Variants in ITGA11 observed in about 807,000 individuals in gnomAD.
ITGA11 encodes the protein integrin alpha-11.
Under a neutral mutation model 141.9 loss-of-function variants are expected in ITGA11, and 97 were observed. That is an observed-to-expected ratio of 0.68 (90% CI 0.58 to 0.81). The LOEUF (loss-of-function observed/expected upper bound fraction) is 0.81, where lower values mean the gene tolerates loss of function less well. ITGA11 is among the 30% of genes least tolerant of loss of function. The pLI is 0.00. For synonymous variants in ITGA11, 658 were observed against 624.6 expected (o/e 1.05, Z -0.80); for missense variants, 1,387 against 1,559.2 (o/e 0.89, Z 1.86).
chr15:68,327,201 C>T lies in ITGA11; in HGVS notation c.2069-405G>A, dbSNP rs148777161. Among the ~76,000 whole-genome samples, 828 of 152,244 alleles carry T rather than the reference C, an allele frequency of 5.4e-3. 6 individuals are homozygous for T. The highest frequency in any genetic ancestry group is 0.019 in the African/African-American group (794 of 41,530). On this transcript the variant is annotated intron_variant, in intron 16 of 29. Transcript: ENST00000315757. ...CCCTCAGGGCTGGTCAGAGCCTTTG[C>T]TGGGTACTTCCTCTCACACCAAGGA...
chr15:68,323,990 A>G (rs1403091322), intron 18 of ITGA11, among the ~76,000 whole-genome samples: 1 of 152,192 alleles, frequency 6.6e-6, no homozygotes, highest in Non-Finnish European at 1.5e-5. Flanking sequence ...TTGTGGGGTG[A>G]GTGCCACGTA....
chr15:68,417,329 C>G (rs551010477), intron 1 of ITGA11, among the ~76,000 whole-genome samples: 2 of 152,338 alleles, frequency 1.3e-5, no homozygotes, highest in African/African-American at 4.8e-5. Context: ...GGAAGTCATT[C>G]CTTATGATTT....
rs963093275 is a variant in ITGA11, at chr15:68,320,336, A to C, written c.2465T>G (p.Leu822Arg). 9.3e-6 allele frequency: 15 copies of C among 1,612,818 alleles called. No homozygotes were observed. The highest frequency in any genetic ancestry group is 1.7e-5 in the Admixed American group (1 of 59,816). ...GATGAAGACTGTGGTGTCGAAGGACAGCGTGTATGCGGAGCAGTCCTGCGC... is the reference window on the plus strand; with the variant it reads ...GATGAAGACTGTGGTGTCGAAGGACCGCGTGTATGCGGAGCAGTCCTGCGC... ...KPAQDCSAYT[L>R]SFDTTVFIIE... Residue 822 changes from leucine (L) to arginine (R), a missense_variant, in exon 20 of 30, where the codon CTG (leucine) becomes CGG (arginine). Physicochemically the swap from Leu to Arg is moderately radical, Grantham distance 102. Transcript: ENST00000315757.
At chr15:68,337,376 C>T (rs1029576136) in intron 11 of ITGA11, among the ~76,000 whole-genome samples, 2 of 152,234 alleles carry the variant, frequency 1.3e-5, no homozygotes, top group Admixed American at 6.5e-5. Context: ...TTATACTGCA[C>T]CCCCAGTGGA....
chr15:68,332,192 G>A (rs1894194041), intron 13 of ITGA11, 130 bp from the exon 14 acceptor site: 1 of 1,244,224 alleles, frequency 8.0e-7, no homozygotes. Context: ...CTGGCTATAT[G>A]AACCCAGCCA....
At chr15:68,370,676 AAGAGCCCCGAAAGGCTTTCGATCCCG>A (rs1399770944) in intron 2 of ITGA11, among the ~76,000 whole-genome samples, 24 of 152,224 alleles carry the variant, frequency 1.6e-4, no homozygotes, top group Non-Finnish European at 3.1e-4. Flanking sequence ...CACAGCCCAC[AAGAGCCCCGAAAGGCTTTCGATCCCG>A]AGGGATGGAG....
chr15:68,327,321 C>T (rs2140297511), intron 16 of ITGA11, among the ~76,000 whole-genome samples: 1 of 152,344 alleles, frequency 6.6e-6, no homozygotes, highest in South Asian at 2.1e-4. Context: ...TAGGTTTTGC[C>T]AATTCCCGGA....
intron 8 of ITGA11, 48 bp from the exon 9 acceptor site, chr15:68,350,830 C>A (rs576844193): frequency 3.2e-6 from 5 of 1,573,518 alleles, no homozygotes; most frequent in African/African-American, 2.7e-5. Flanking sequence ...ATAGCACAGA[C>A]TTTCCCATAC....
chr15:68,431,365 G>A (rs1897266989), intron 1 of ITGA11, among the ~76,000 whole-genome samples: 1 of 152,206 alleles, frequency 6.6e-6, no homozygotes, highest in South Asian at 2.1e-4. Flanking sequence ...TCCCTACCCC[G>A]GGTGTCAGGT....
Position 68,301,992 on chromosome 15 carries a change from C to G in ITGA11, c.*1067G>C, listed in dbSNP as rs1482263074. On this transcript the variant is annotated 3_prime_UTR_variant, in exon 30 of 30. Coordinates refer to ENST00000315757, the MANE Select transcript of ITGA11 (RefSeq NM_001004439.2). The surrounding 1 kb of genome is among the most constrained non-coding windows in gnomAD (Gnocchi z 4.4). ...TATTCAGTGCATTCCAGAGGGGACC[C>G]CTCAACAGCGCTGGCCAAGCCCTTC... 1.3e-5 allele frequency: 2 copies of G among 152,418 alleles called. No homozygotes were observed. Among genetic ancestry groups the G allele is most frequent in the East Asian group, 3.9e-4 (2 of 5,134 alleles). The allele number at this position is 152,418 out of a possible 1,614,324, so 9.4% of individuals were successfully genotyped here.
intron 1 of ITGA11, among the ~76,000 whole-genome samples, chr15:68,413,985 G>A (rs1417485928): frequency 6.6e-6 from 1 of 152,222 alleles, no homozygotes; most frequent in African/African-American, 2.4e-5. Context: ...GTACCATGGA[G>A]ACTTGGCTGG....
At chr15:68,383,564 A>T (rs1435515968) in intron 2 of ITGA11, among the ~76,000 whole-genome samples, 1 of 152,194 alleles carries the variant, frequency 6.6e-6, no homozygotes, top group Non-Finnish European at 1.5e-5. Context: ...CCTGAGTGAT[A>T]TCTACAGGAA....
intron 20 of ITGA11, among the ~76,000 whole-genome samples, chr15:68,317,881 A>C (rs944421116): frequency 2.0e-5 from 3 of 152,088 alleles, no homozygotes; most frequent in Admixed American, 1.3e-4. Context: ...GGATGTGAGC[A>C]TGTGTCTGTG....
At chr15:68,399,001 T>C (rs1896397302) in intron 2 of ITGA11, among the ~76,000 whole-genome samples, 1 of 152,018 alleles carries the variant, frequency 6.6e-6, no homozygotes, top group South Asian at 2.1e-4. Context: ...ATCCATAAAA[T>C]TGAACGTATA....
intron 24 of ITGA11, among the ~76,000 whole-genome samples, chr15:68,312,385 G>C (rs770053428): frequency 4.3e-4 from 66 of 152,190 alleles, no homozygotes; most frequent in Admixed American, 1.1e-3. Flanking sequence ...ACTGTGAGGT[G>C]AACTGGAGGC....
At position 68,332,367 on chromosome 15, in the gene ITGA11, C is replaced by A; in HGVS notation, c.1537G>T (p.Gly513Cys). 6.2e-7 allele frequency: 1 copy of A among 1,608,808 alleles called. No homozygotes were observed. ...CTCAGCTCATAGACGTACACCTTGCCTCGCTCACGGCCCTCGTTGAAGTAC... is the reference window on the plus strand; with the variant it reads ...CTCAGCTCATAGACGTACACCTTGCATCGCTCACGGCCCTCGTTGAAGTAC... ...PMYFNEGRER[G>C]KVYVYELRQN... is the part of the protein sequence containing the mutation. Residue 513 changes from glycine (G) to cysteine (C), a missense_variant, in exon 13 of 30, where the codon GGC becomes TGC. Physicochemically the swap from Gly to Cys is radical, Grantham distance 159 (BLOSUM62 -3). Coordinates refer to ENST00000315757, the MANE Select transcript of ITGA11 (RefSeq NM_001004439.2).
chr15:68,339,453 C>T (rs1439227058), intron 11 of ITGA11, 47 bp downstream of exon 11: 4 of 1,573,038 alleles, frequency 2.5e-6, no homozygotes, highest in Non-Finnish European at 2.6e-6. Flanking sequence ...CCCTGGGTGC[C>T]CTCCCGGCCC....
chr15:68,322,062 T>C lies in ITGA11; in HGVS notation c.2323-559A>G, dbSNP rs1200857227. Among the ~76,000 whole-genome samples, 1 of 152,006 alleles carries C rather than the reference T, an allele frequency of 6.6e-6. No homozygotes were observed. Among genetic ancestry groups the C allele is most frequent in the Non-Finnish European group, 1.5e-5 (1 of 68,008 alleles). On this transcript the variant is annotated intron_variant, in intron 18 of 29. Transcript: ENST00000315757. The surrounding 1 kb of genome is among the most constrained non-coding windows in gnomAD (Gnocchi z 5.6). ...GTCAAGGTAGCTGTGTGGACCGGGATGGAGGTGGTGAAGTCCAGGAGGAAG... is the reference window on the plus strand; with the variant it reads ...GTCAAGGTAGCTGTGTGGACCGGGACGGAGGTGGTGAAGTCCAGGAGGAAG...
Position 68,333,844 on chromosome 15 carries a change from G to A in ITGA11, c.1426-1366C>T, listed in dbSNP as rs900708973. Among the ~76,000 whole-genome samples the A allele has an allele frequency of 6.6e-6, 1 of 152,144 alleles. No homozygotes were observed. Among genetic ancestry groups the A allele is most frequent in the African/African-American group, 2.4e-5 (1 of 41,436 alleles). ...GTCCCCACAAGCTCCTGCTCCCACT[G>A]CAGTGCTCCCGGGTCCTGCCAAACT... On this transcript the variant is annotated intron_variant, in intron 12 of 29. Transcript: ENST00000315757. This position sits in a 1 kb window ranked among gnomAD's most constrained non-coding sequence, Gnocchi z 4.2.
Sources: gnomAD v4.1 joint callset for allele counts (sites outside exome capture counted in the v4.1 genomes callset) on GRCh38, gnomAD v4.1.1 for gene constraint, Gnocchi (gnomAD v3.1) non-coding constraint, MANE v1.5 for transcripts, NCBI Gene and HGNC (gene_info 2026-07-23, HGNC 2026-07-21) for gene names.